CSMD1: variants seen among roughly 807,000 people sequenced by gnomAD.
CSMD1 encodes the protein CUB and Sushi multiple domains 1, also known as CUB and sushi domain-containing protein 1.
CSMD1 carries 213 observed loss-of-function variants against 417.5 expected under a neutral mutation model. The ratio of observed to expected loss-of-function variants is 0.51; its 90% CI spans 0.46 to 0.57. CSMD1 has a LOEUF of 0.57. Among genes scored for constraint, CSMD1 ranks in the 20% least tolerant of loss-of-function variants. CSMD1 has a pLI of 0.00. For synonymous variants in CSMD1, 2,862 were observed against 1,736.8 expected (o/e 1.65, Z -16.11); for missense variants, 6,923 against 4,529.7 (o/e 1.53, Z -15.17).
intron 3 of CSMD1, among the ~76,000 whole-genome samples, chr8:4,164,802 A>G (rs972851894): frequency 2.0e-5 from 3 of 151,950 alleles, no homozygotes; most frequent in Non-Finnish European, 4.4e-5. Context: ...CGTGAAATCC[A>G]GAGGTGGAGC....
At chr8:3,932,000 G>T (rs1469144708) in intron 5 of CSMD1, among the ~76,000 whole-genome samples, 1 of 149,628 alleles carries the variant, frequency 6.7e-6, no homozygotes, top group Non-Finnish European at 1.5e-5. Context: ...TGTAGAAATG[G>T]GGGAAAGGAG....
At chr8:4,670,939 TAACA>T (rs901828401) in intron 1 of CSMD1, among the ~76,000 whole-genome samples, 1 of 152,234 alleles carries the variant, frequency 6.6e-6, no homozygotes, top group African/African-American at 2.4e-5. Context: ...AGCAGTCATA[TAACA>T]AACAGTCATA....
chr8:3,427,489 G>A (rs1043016534), intron 12 of CSMD1, among the ~76,000 whole-genome samples: 1 of 152,024 alleles, frequency 6.6e-6, no homozygotes, highest in African/African-American at 2.4e-5. Context: ...GATTTTCACA[G>A]TCAAATGATG....
At chr8:4,087,978 C>G (rs1357512958) in intron 3 of CSMD1, among the ~76,000 whole-genome samples, 1 of 152,120 alleles carries the variant, frequency 6.6e-6, no homozygotes, top group Non-Finnish European at 1.5e-5. Flanking sequence ...GAAAAGCTCA[C>G]TTGACCTCTG....
chr8:3,941,996 C>G (rs1810915589), intron 5 of CSMD1, among the ~76,000 whole-genome samples: 1 of 152,050 alleles, frequency 6.6e-6, no homozygotes, highest in Admixed American at 6.6e-5. Context: ...CCTGCACTCT[C>G]CTCCTGTCAG....
chr8:3,908,416 G>C (rs1216939288), intron 5 of CSMD1, among the ~76,000 whole-genome samples: 1 of 152,076 alleles, frequency 6.6e-6, no homozygotes, highest in Non-Finnish European at 1.5e-5. Flanking sequence ...CATTCTGTGG[G>C]AATGTAAGCA....
chr8:4,756,961 C>A (rs896110634), intron 1 of CSMD1, among the ~76,000 whole-genome samples: 7 of 152,200 alleles, frequency 4.6e-5, no homozygotes, highest in Admixed American at 4.6e-4. Context: ...TGTTCAAACA[C>A]ATAAGCTGGT....
intron 1 of CSMD1, among the ~76,000 whole-genome samples, chr8:4,739,501 C>G (rs1628885): frequency 1.3e-5 from 2 of 152,180 alleles, no homozygotes; most frequent in Non-Finnish European, 2.9e-5. Context: ...AGTAACAAAA[C>G]TTTTCTGTGC....
At chr8:3,261,830 T>A (rs558405029) in intron 26 of CSMD1, among the ~76,000 whole-genome samples, 2 of 152,230 alleles carry the variant, frequency 1.3e-5, no homozygotes, top group South Asian at 4.1e-4. Context: ...GATGAATGGC[T>A]GCCAGGGATT....
chr8:4,371,371 CTGTTA>C (rs1453899792), intron 3 of CSMD1, among the ~76,000 whole-genome samples: 3 of 152,016 alleles, frequency 2.0e-5, no homozygotes, highest in African/African-American at 4.8e-5. Context: ...GAGAAACTTC[CTGTTA>C]TATTTTGTAT....
rs534921714 is a variant in CSMD1 at position 2,936,752 on chromosome 8, T to A, written c.*1833A>T. On this transcript the variant is annotated 3_prime_UTR_variant, in exon 70 of 70. Coordinates refer to ENST00000635120, the MANE Select transcript of CSMD1 (RefSeq NM_033225.6). Reference sequence around the variant, plus strand: ...CTGGGAGCCGAGCTCTACGGAAATGTCCGAATCAAAACGCGTGACTCTCCA... The same window carrying A: ...CTGGGAGCCGAGCTCTACGGAAATGACCGAATCAAAACGCGTGACTCTCCA... The A allele has an allele frequency of 2.0e-5, 3 of 152,218 alleles. No individual in the cohort carries two copies. Among genetic ancestry groups the A allele is most frequent in the Non-Finnish European group, 2.9e-5 (2 of 68,052 alleles). The allele number at this position is 152,218 out of a possible 1,614,324, so 9.4% of individuals were successfully genotyped here.
intron 52 of CSMD1, among the ~76,000 whole-genome samples, chr8:3,016,982 A>G (rs1376916737): frequency 5.3e-5 from 8 of 152,214 alleles, no homozygotes; most frequent in Admixed American, 5.2e-4. Flanking sequence ...AAGCTGACCC[A>G]TCATTTAACA....
chr8:3,313,538 A>C (rs915207360), intron 23 of CSMD1, among the ~76,000 whole-genome samples: 1 of 152,248 alleles, frequency 6.6e-6, no homozygotes, highest in African/African-American at 2.4e-5. Context: ...CCATCAGAGA[A>C]ATGCAAATCA....
chr8:3,435,066 G>T (rs1814461597), intron 12 of CSMD1, among the ~76,000 whole-genome samples: 2 of 152,126 alleles, frequency 1.3e-5, no homozygotes, highest in African/African-American at 4.8e-5. Context: ...CCTGGTGGGA[G>T]CTGCTACCTT....
intron 3 of CSMD1, among the ~76,000 whole-genome samples, chr8:4,137,432 TTAAA>T (rs1458754706): frequency 7.5e-6 from 1 of 133,804 alleles, no homozygotes; most frequent in African/African-American, 2.5e-5. Context: ...AATAATGAAA[TTAAA>T]TATATTGTCA....
intron 2 of CSMD1, among the ~76,000 whole-genome samples, chr8:4,453,746 C>T (rs149773520): frequency 2.7e-3 from 405 of 150,894 alleles, no homozygotes; most frequent in African/African-American, 9.2e-3. Context: ...AACGTAATTC[C>T]GGGTCCCCAT....
intron 52 of CSMD1, among the ~76,000 whole-genome samples, chr8:3,008,799 C>A (rs963267091): frequency 6.6e-6 from 1 of 152,206 alleles, no homozygotes; most frequent in South Asian, 2.1e-4. Context: ...AAAACCACCA[C>A]ACTGATTGTC....
chr8:4,520,803 T>C (rs1275770674), intron 2 of CSMD1, among the ~76,000 whole-genome samples: 2 of 152,206 alleles, frequency 1.3e-5, no homozygotes, highest in Admixed American at 1.3e-4. Context: ...TTTGAAATTA[T>C]ATTGGAGTGC....
At chr8:4,101,180 T>C (rs1407120430) in intron 3 of CSMD1, among the ~76,000 whole-genome samples, 1 of 152,238 alleles carries the variant, frequency 6.6e-6, no homozygotes. Flanking sequence ...TCCATCTGAA[T>C]ACATCTATAT....
Sources: allele counts gnomAD v4.1 joint callset (sites outside exome capture counted in the v4.1 genomes callset), GRCh38; gene constraint gnomAD v4.1.1; transcripts MANE v1.5; gene names NCBI Gene and HGNC (gene_info 2026-07-23, HGNC 2026-07-21).